STPG2: variants seen among roughly 807,000 people sequenced by gnomAD.
The protein encoded by STPG2 is sperm-tail PG-rich repeat-containing protein 2.
STPG2 carries 56 observed loss-of-function variants against 54.2 expected under a neutral mutation model. The observed-to-expected ratio is 1.03, with a 90% CI of 0.83 to 1.29. STPG2 has a LOEUF of 1.29. STPG2 is among the 50% of genes most tolerant of loss of function. The pLI is 0.00. For synonymous variants in STPG2, 200 were observed against 181.8 expected (o/e 1.10, Z -0.81); for missense variants, 596 against 544.9 (o/e 1.09, Z -0.93).
chr4:98,017,866 C>A (rs1470457494), intron 5 of STPG2, among the ~76,000 whole-genome samples: 1 of 151,982 alleles, frequency 6.6e-6, no homozygotes, highest in African/African-American at 2.4e-5. Flanking sequence ...GTTTAGCCTG[C>A]ATTCATTCAT....
At chr4:97,900,371 C>T (rs1731130256) in intron 8 of STPG2, among the ~76,000 whole-genome samples, 1 of 152,046 alleles carries the variant, frequency 6.6e-6, no homozygotes, top group Non-Finnish European at 1.5e-5. Context: ...GGCAATTCCT[C>T]AAAGAGCTAA....
intron 10 of STPG2, among the ~76,000 whole-genome samples, chr4:97,606,964 A>G (rs1240578781): frequency 6.6e-6 from 1 of 152,080 alleles, no homozygotes; most frequent in Non-Finnish European, 1.5e-5. Flanking sequence ...AACTACAGTT[A>G]TCTCCATTCT....
chr4:98,077,965 A>G (rs1192203221), intron 5 of STPG2, among the ~76,000 whole-genome samples: 2 of 152,172 alleles, frequency 1.3e-5, no homozygotes, highest in South Asian at 2.1e-4. Flanking sequence ...ATGTCAATAC[A>G]AGGACAGTTT....
At chr4:97,970,739 C>A (rs1295233746) in intron 7 of STPG2, among the ~76,000 whole-genome samples, 2 of 152,184 alleles carry the variant, frequency 1.3e-5, no homozygotes, top group Non-Finnish European at 2.9e-5. Flanking sequence ...CCATTCAGGA[C>A]ATAGGCATGG....
chr4:97,486,856 TACAA>T (rs1404570619), intron 4 of STPG2, among the ~76,000 whole-genome samples: 4 of 117,060 alleles, frequency 3.4e-5, no homozygotes, highest in Admixed American at 1.6e-4. Context: ...TATGTATGTA[TACAA>T]ACACACACAC....
chr4:97,520,951 TA>T (rs887689972), intron 4 of STPG2, among the ~76,000 whole-genome samples: 3 of 152,012 alleles, frequency 2.0e-5, no homozygotes, highest in African/African-American at 7.2e-5. Context: ...TTTGATTAGA[TA>T]AATGTGGGGT....
At chr4:97,936,883 TTATTGGG>T (rs1206852178) in intron 8 of STPG2, among the ~76,000 whole-genome samples, 4 of 152,160 alleles carry the variant, frequency 2.6e-5, no homozygotes, top group Admixed American at 1.3e-4. Flanking sequence ...ATGGAGTATG[TTATTGGG>T]GTTCTCTGGA....
intron 4 of STPG2, among the ~76,000 whole-genome samples, chr4:97,499,249 A>C (rs1201367127): frequency 1.3e-5 from 2 of 152,004 alleles, no homozygotes; most frequent in African/African-American, 4.8e-5. Context: ...GAGTGCCCTG[A>C]CATGGCAATT....
At chr4:98,121,791 G>A (rs28814038) in intron 3 of STPG2, among the ~76,000 whole-genome samples, 60,007 of 151,622 alleles carry the variant, frequency 0.4, 12,108 homozygotes, top group Middle Eastern at 0.46. Flanking sequence ...GCATGATCTC[G>A]GCTCACTGCA....
intron 4 of STPG2, among the ~76,000 whole-genome samples, chr4:97,479,691 A>G (rs1471439178): frequency 1.3e-5 from 2 of 151,868 alleles, no homozygotes; most frequent in Non-Finnish European, 3.0e-5. Context: ...TCTGTGACTA[A>G]TGTAAATAGA....
Position 98,106,077 on chromosome 4 carries a change from C to A in STPG2, c.501-13G>T, listed in dbSNP as rs1189107937. 6 of 1,386,914 alleles carry A rather than the reference C, an allele frequency of 4.3e-6. No homozygotes were observed. The South Asian group carries it at 6.8e-5, about 16-fold the overall frequency. The allele number at this position is 1,386,914 out of a possible 1,614,324, so 85.9% of individuals were successfully genotyped here. On this transcript the variant is annotated splice_polypyrimidine_tract_variant and intron_variant, in intron 4 of 10. Transcript: ENST00000295268. ...TGATGTCTTTTTCCTTCAGAAAATT[C>A]AAATAGAAATTAAGAATTCTCAATT...
At chr4:97,860,737 C>A (rs983852749) in intron 8 of STPG2, among the ~76,000 whole-genome samples, 1 of 152,004 alleles carries the variant, frequency 6.6e-6, no homozygotes, top group Non-Finnish European at 1.5e-5. Context: ...ATAGTTTAAC[C>A]TCCTTTTTAT....
chr4:97,978,948 A>G (rs577278024), intron 6 of STPG2, among the ~76,000 whole-genome samples: 1 of 152,276 alleles, frequency 6.6e-6, no homozygotes, highest in African/African-American at 2.4e-5. Flanking sequence ...TTTCACTTAG[A>G]CAATGGTGCC....
chr4:97,607,317 C>G (rs1287673905), intron 10 of STPG2, among the ~76,000 whole-genome samples: 6 of 151,856 alleles, frequency 4.0e-5, no homozygotes, highest in Admixed American at 3.3e-4. Flanking sequence ...CTCTCTCTTT[C>G]ATTAGGATCC....
intron 9 of STPG2, among the ~76,000 whole-genome samples, chr4:97,741,620 C>T (rs373471896): frequency 1.3e-5 from 2 of 152,154 alleles, no homozygotes; most frequent in African/African-American, 2.4e-5. Flanking sequence ...AAATTGCTCA[C>T]CATCACTGGC....
At chr4:98,029,450 C>A (rs976150064) in intron 5 of STPG2, among the ~76,000 whole-genome samples, 2 of 151,960 alleles carry the variant, frequency 1.3e-5, no homozygotes, top group African/African-American at 4.8e-5. Context: ...TCTAGTAATA[C>A]TCTTTATTCT....
chr4:97,617,186 TTCTG>T (rs1049314312), intron 10 of STPG2, among the ~76,000 whole-genome samples: 37 of 151,838 alleles, frequency 2.4e-4, no homozygotes, highest in African/African-American at 8.5e-4. Context: ...AGGCAAGGAT[TTCTG>T]TCTGTTTTGT....
At chr4:98,126,959 C>T (rs1739848896) in intron 3 of STPG2, among the ~76,000 whole-genome samples, 2 of 151,870 alleles carry the variant, frequency 1.3e-5, no homozygotes, top group Admixed American at 6.6e-5. Flanking sequence ...AAAGAAACAT[C>T]TAACTGGGAA....
rs77589756 is a variant in STPG2, at chr4:97,501,851, G to T, written c.462+210848C>A. 6.0e-3 allele frequency among the ~76,000 whole-genome samples: 908 copies of T among 151,942 alleles called. 10 individuals are homozygous for T. The highest frequency in any genetic ancestry group is 9.8e-3 in the Non-Finnish European group (669 of 67,942). ...AAGAGTAAGTAGAAGTCAATAAAGTGGATCACAGAGATGAGATGAAAGAGA... is the reference window on the plus strand; with the variant it reads ...AAGAGTAAGTAGAAGTCAATAAAGTTGATCACAGAGATGAGATGAAAGAGA... On this transcript the variant is annotated intron_variant, in intron 4 of 4. Transcript: ENST00000522676.
Sources: allele counts gnomAD v4.1 joint callset (sites outside exome capture counted in the v4.1 genomes callset), GRCh38; gene constraint gnomAD v4.1.1; transcripts MANE v1.5; gene names NCBI Gene and HGNC (gene_info 2026-07-23, HGNC 2026-07-21).